Variants in SLC35F4 observed in about 807,000 individuals in gnomAD.
SLC35F4 encodes solute carrier family 35 member F4, also known as chromosome 14 open reading frame 36.
A neutral mutation model predicts 44.2 loss-of-function variants in SLC35F4; 24 were observed. The ratio of observed to expected loss-of-function variants is 0.54; its 90% confidence interval spans 0.39 to 0.76. The LOEUF is 0.76. Among genes scored for constraint, SLC35F4 ranks in the 30% least tolerant of loss-of-function variants. The pLI, the probability that SLC35F4 is intolerant of heterozygous loss-of-function variation, is 0.00. For missense variants in SLC35F4, 562 were observed against 586.1 expected (o/e 0.96, Z 0.42); for synonymous variants, 238 against 223.6 (o/e 1.06, Z -0.57).
intron 1 of SLC35F4, among the ~76,000 whole-genome samples, chr14:57,810,161 C>CA (rs1369360939): frequency 2.0e-5 from 3 of 152,194 alleles, no homozygotes; most frequent in African/African-American, 7.2e-5. Flanking sequence ...CATCCTGAGC[C>CA]AGCAGCCTGC....
intron 1 of SLC35F4, among the ~76,000 whole-genome samples, chr14:57,848,908 G>A (rs183697923): frequency 6.6e-6 from 1 of 152,256 alleles, no homozygotes; most frequent in African/African-American, 2.4e-5. Flanking sequence ...GGGGAGCAAG[G>A]GGAACCAACA....
intron 1 of SLC35F4, among the ~76,000 whole-genome samples, chr14:57,825,014 G>GT (rs1012608093): frequency 1.3e-5 from 2 of 151,898 alleles, no homozygotes; most frequent in Non-Finnish European, 2.9e-5. Context: ...TATTTCAGGG[G>GT]TAAAAAAAGA....
intron 1 of SLC35F4, among the ~76,000 whole-genome samples, chr14:57,805,693 G>A (rs1471705049): frequency 6.6e-6 from 1 of 152,112 alleles, no homozygotes; most frequent in Non-Finnish European, 1.5e-5. Flanking sequence ...CTTAGGTGAT[G>A]GGATGATCTG....
chr14:57,762,261 G>A (rs563270524), intron 1 of SLC35F4, among the ~76,000 whole-genome samples: 1 of 152,244 alleles, frequency 6.6e-6, no homozygotes, highest in South Asian at 2.1e-4. Flanking sequence ...TTCAGGTGCT[G>A]CACAGCATAA....
chr14:57,833,382 C>A (rs1229510436), intron 1 of SLC35F4, among the ~76,000 whole-genome samples: 2 of 152,192 alleles, frequency 1.3e-5, no homozygotes, highest in Non-Finnish European at 2.9e-5. Context: ...CTTTGCACCC[C>A]CAGAGGATCT....
intron 3 of SLC35F4, among the ~76,000 whole-genome samples, chr14:57,587,760 T>TTAAAG (rs2069861096): frequency 6.7e-6 from 1 of 150,242 alleles, no homozygotes; most frequent in Admixed American, 6.7e-5. Flanking sequence ...ATCCCAGAAC[T>TTAAAG]TAAAGTACAA....
In SLC35F4 at chr14:57,823,804, T is replaced by C. The variant is rs188484160; in HGVS notation, c.103+41919A>G. 3.3e-3 allele frequency among the ~76,000 whole-genome samples: 508 copies of C among 152,344 alleles called. 5 individuals are homozygous for C. The highest frequency in any genetic ancestry group is 0.011 in the African/African-American group (469 of 41,570). Reference sequence around the variant, plus strand: ...CAGTTTGGTTTTGTAATCATTTCAATTATTATTTGACTAAATTATATAAAA... The same window carrying C: ...CAGTTTGGTTTTGTAATCATTTCAACTATTATTTGACTAAATTATATAAAA... On this transcript the variant is annotated intron_variant, in intron 1 of 7. Coordinates refer to ENST00000556826, the MANE Select transcript of SLC35F4 (RefSeq NM_001306087.2).
chr14:57,967,539 A>G (rs1880909894), intron 1 of SLC35F4, among the ~76,000 whole-genome samples: 1 of 151,826 alleles, frequency 6.6e-6, no homozygotes, highest in Non-Finnish European at 1.5e-5. Context: ...CTTCTCATAT[A>G]TAGTAGTAAC....
rs192252712 is a variant in SLC35F4, at chr14:57,774,056, C to T, written c.103+91667G>A. ...ATTAAAAAGTAGTGCAAGTGGAAGA[C>T]TTCTCCAGGGTTGCCTATGAGATGC... On this transcript the variant is annotated intron_variant, in intron 1 of 7. Coordinates refer to ENST00000556826, the MANE Select transcript of SLC35F4 (RefSeq NM_001306087.2). 3.2e-3 allele frequency among the ~76,000 whole-genome samples: 482 copies of T among 152,272 alleles called. 1 individual carries two copies. The highest frequency in any genetic ancestry group is 3.4e-3 in the Middle Eastern group (1 of 294).
At position 57,616,727 on chromosome 14, in the gene SLC35F4, C is replaced by G. The variant is rs551929189; in HGVS notation, c.104-22603G>C. Among the ~76,000 whole-genome samples the G allele has an allele frequency of 1.9e-4, 29 of 152,178 alleles. No homozygotes were observed. In the East Asian group the frequency reaches 4.8e-3, roughly 25 times the overall value. ...CCTTTACTTGTTGCTTTGGAGCATCCTTGCTTCCCTGCCTCTCCTTGTCCA... is the reference window on the plus strand; with the variant it reads ...CCTTTACTTGTTGCTTTGGAGCATCGTTGCTTCCCTGCCTCTCCTTGTCCA... On this transcript the variant is annotated intron_variant, in intron 1 of 7. Coordinates refer to ENST00000556826, the MANE Select transcript of SLC35F4 (RefSeq NM_001306087.2).
intron 1 of SLC35F4, among the ~76,000 whole-genome samples, chr14:57,753,956 G>T (rs190542100): frequency 6.6e-6 from 1 of 152,152 alleles, no homozygotes; most frequent in East Asian, 1.9e-4. Flanking sequence ...ACTGGCTCAT[G>T]GGCAGCTCCA....
intron 1 of SLC35F4, among the ~76,000 whole-genome samples, chr14:57,881,810 A>C (rs1249363113): frequency 2.0e-5 from 3 of 152,080 alleles, no homozygotes; most frequent in Non-Finnish European, 2.9e-5. Context: ...ATTTAACCCA[A>C]TCTGGTTTAA....
intron 1 of SLC35F4, among the ~76,000 whole-genome samples, chr14:57,668,470 C>T (rs1340294097): frequency 2.0e-5 from 3 of 151,976 alleles, no homozygotes; most frequent in Non-Finnish European, 2.9e-5. Flanking sequence ...TTAGGTCTAA[C>T]ATTTAAGTCT....
At chr14:57,735,683 T>C (rs2076445280) in intron 1 of SLC35F4, among the ~76,000 whole-genome samples, 1 of 151,992 alleles carries the variant, frequency 6.6e-6, no homozygotes, top group Non-Finnish European at 1.5e-5. Context: ...TGCATTCTAT[T>C]GCTTAAAACA....
intron 1 of SLC35F4, among the ~76,000 whole-genome samples, chr14:57,712,894 A>G (rs2075848655): frequency 6.6e-6 from 1 of 152,166 alleles, no homozygotes; most frequent in African/African-American, 2.4e-5. Flanking sequence ...TAGAGCAGTA[A>G]TTCCCCACCT....
intron 1 of SLC35F4, among the ~76,000 whole-genome samples, chr14:57,947,792 T>C (rs1269192077): frequency 6.6e-6 from 1 of 152,206 alleles, no homozygotes; most frequent in Non-Finnish European, 1.5e-5. Flanking sequence ...GATCATATGA[T>C]TTTTGTTTTT....
chr14:57,815,776 G>A (rs1314841941), intron 1 of SLC35F4, among the ~76,000 whole-genome samples: 1 of 152,082 alleles, frequency 6.6e-6, no homozygotes, highest in Non-Finnish European at 1.5e-5. Flanking sequence ...TAGCCGAGAA[G>A]ACCAGTGTTA....
chr14:57,686,696 C>T (rs1451749287), intron 1 of SLC35F4, among the ~76,000 whole-genome samples: 1 of 152,076 alleles, frequency 6.6e-6, no homozygotes, highest in African/African-American at 2.4e-5. Context: ...TTCTTCTAAC[C>T]CATGTCAAGG....
intron 1 of SLC35F4, among the ~76,000 whole-genome samples, chr14:57,923,787 GA>G (rs1889490134): frequency 6.6e-6 from 1 of 152,242 alleles, no homozygotes; most frequent in South Asian, 2.1e-4. Flanking sequence ...AAAGCTGGAA[GA>G]AAGTGGATGT....
Sources: gnomAD v4.1 joint callset for allele counts (sites outside exome capture counted in the v4.1 genomes callset) on GRCh38, gnomAD v4.1.1 for gene constraint, MANE v1.5 for transcripts, NCBI Gene and HGNC (gene_info 2026-07-23, HGNC 2026-07-21) for gene names.